Variants in MRC2 observed in about 807,000 individuals in gnomAD.
MRC2 encodes mannose receptor C-type 2.
MRC2 carries 84 observed loss-of-function variants against 206.2 expected under a neutral mutation model. The observed-to-expected ratio is 0.41, with a 90% CI of 0.34 to 0.49. The LOEUF is 0.49. MRC2 is among the 20% of genes least tolerant of loss of function. The pLI is 0.31. For synonymous variants in MRC2, 798 were observed against 800.0 expected (o/e 1.00, Z 0.04); for missense variants, 1,676 against 2,001.5 (o/e 0.84, Z 3.10).
intron 20 of MRC2, among the ~76,000 whole-genome samples, chr17:62,687,699 C>T (rs756424117): frequency 2.0e-5 from 3 of 151,914 alleles, no homozygotes; most frequent in East Asian, 1.9e-4. Context: ...GGGCTGGGCG[C>T]GGTGAAACCC....
rs375584608 is a variant in MRC2, at chr17:62,664,775, G to A, written c.346G>A (p.Ala116Thr). 2.5e-6 allele frequency: 4 copies of A among 1,614,034 alleles called. No individual in the cohort carries two copies. The highest frequency in any genetic ancestry group is 3.4e-6 in the Non-Finnish European group (4 of 1,180,040). Residue 116 changes from alanine (A) to threonine (T), a missense_variant, in exon 2 of 30, where the codon GCA (alanine) becomes ACA (threonine). Transcript: ENST00000303375. This position sits in a 1 kb window ranked among gnomAD's most constrained non-coding sequence, Gnocchi z 4.7. Reference sequence around the variant, plus strand: ...GGGCATGTATGAGTGTGACCGGGAAGCACTGAATCTTCGCTGGCATTGTCG... The same window carrying A: ...GGGCATGTATGAGTGTGACCGGGAAACACTGAATCTTCGCTGGCATTGTCG... Reference protein sequence around the residue: ...SLGMYECDREALNLRWHCRTL... With the variant: ...SLGMYECDRETLNLRWHCRTL...
In MRC2 at chr17:62,692,481, G is replaced by A; in HGVS notation, c.*30G>A. 6.5e-7 allele frequency: 1 copy of A among 1,539,026 alleles called. No individual in the cohort carries two copies. Among genetic ancestry groups the A allele is most frequent in the East Asian group, 2.5e-5 (1 of 40,770 alleles). Reference sequence around the variant, plus strand: ...AGGCGCGTGGGCAGGGCCAGGGCGGGAGGAGCTGGGGAGCTGGGGCCCTGG... The same window carrying A: ...AGGCGCGTGGGCAGGGCCAGGGCGGAAGGAGCTGGGGAGCTGGGGCCCTGG... On this transcript the variant is annotated 3_prime_UTR_variant, in exon 30 of 30. Coordinates refer to ENST00000303375, the MANE Select transcript of MRC2 (RefSeq NM_006039.5). The surrounding 1 kb of genome is among the most constrained non-coding windows in gnomAD (Gnocchi z 4.2).
chr17:62,665,762 G>C (rs1424297698), intron 2 of MRC2, among the ~76,000 whole-genome samples: 8 of 152,202 alleles, frequency 5.3e-5, no homozygotes, highest in Non-Finnish European at 1.5e-5. Context: ...CCCATGGGCT[G>C]GGTAGCTGAG....
chr17:62,672,299 T>G lies in MRC2; in HGVS notation c.1461+147T>G. ...AGTCCCCCTCCTCCCCACCAATGCCTTCCCTTCCATGTGAGAGACTGCCGG... is the reference window on the plus strand; with the variant it reads ...AGTCCCCCTCCTCCCCACCAATGCCGTCCCTTCCATGTGAGAGACTGCCGG... On this transcript the variant is annotated intron_variant, in intron 8 of 29. Coordinates refer to ENST00000303375, the MANE Select transcript of MRC2 (RefSeq NM_006039.5). This position sits in a 1 kb window ranked among gnomAD's most constrained non-coding sequence, Gnocchi z 4.5. 1.1e-6 allele frequency: 1 copy of G among 910,426 alleles called. No individual in the cohort carries two copies. Among genetic ancestry groups the G allele is most frequent in the Non-Finnish European group, 1.7e-6 (1 of 600,586 alleles). 56.4% of individuals were successfully genotyped at this position (910,426 alleles called of 1,614,324 possible).
intron 1 of MRC2, among the ~76,000 whole-genome samples, chr17:62,638,849 G>A (rs1202714298): frequency 6.6e-6 from 1 of 152,056 alleles, no homozygotes; most frequent in African/African-American, 2.4e-5. Context: ...AACCCTGGAG[G>A]CCGAGGTTGC....
intron 20 of MRC2, 45 bp from the exon 21 acceptor site, chr17:62,688,243 AT>A (rs2089056647): frequency 1.3e-6 from 2 of 1,564,412 alleles, no homozygotes; most frequent in Admixed American, 1.7e-5. Flanking sequence ...GGGTTTGTGG[AT>A]GGGGTGGTGG....
chr17:62,643,683 C>CA (rs1173107634), intron 1 of MRC2, among the ~76,000 whole-genome samples: 77 of 152,076 alleles, frequency 5.1e-4, no homozygotes, highest in Admixed American at 5.0e-3. Context: ...AAATCACTAG[C>CA]AAAACAATTT....
Position 62,680,183 on chromosome 17 carries a change from A to G in MRC2, c.2312A>G (p.Asn771Ser), listed in dbSNP as rs541732497. ...WSDGVGFSYH[N>S]FDRSRHDDDD... is the part of the protein sequence containing the mutation. ...CGCCTCCTCCAGTTCTCTTACCACA[A>G]TTTCGACCGGAGCCGGCACGACGAC... is the stretch of plus-strand genomic sequence containing the variant. Residue 771 changes from asparagine (N) to serine (S), a missense_variant, in exon 15 of 30, where the codon AAT becomes AGT. Physicochemically the swap from Asn to Ser is conservative, Grantham distance 46. Transcript: ENST00000303375. This position sits in a 1 kb window ranked among gnomAD's most constrained non-coding sequence, Gnocchi z 4.8. The G allele has an allele frequency of 3.7e-6, 6 of 1,613,958 alleles. No homozygotes were observed. Among genetic ancestry groups the G allele is most frequent in the East Asian group, 4.5e-5 (2 of 44,862 alleles).
Position 62,690,160 on chromosome 17 carries a change from CCCTCCTCCCCGAAGA to C in MRC2, c.3748_3762del (p.Pro1250_Arg1254del). On this transcript the variant is annotated inframe_deletion, in exon 26 of 30. Transcript: ENST00000303375. The stretch of plus-strand genomic sequence containing the variant: ...CTTAATCCTGTACCCCCACAGGGCC[CCCTCCTCCCCGAAGA>C]ATAAGCTACCATGGCAGCTGTCCCC... 6.2e-7 allele frequency: 1 copy of C among 1,603,282 alleles called. No homozygotes were observed. The highest frequency in any genetic ancestry group is 8.5e-7 in the Non-Finnish European group (1 of 1,172,806).
intron 1 of MRC2, among the ~76,000 whole-genome samples, chr17:62,634,644 G>A (rs2088289549): frequency 6.6e-6 from 1 of 151,928 alleles, no homozygotes; most frequent in Admixed American, 6.6e-5. Context: ...GATTTGGGTG[G>A]CTTCTATACT....
rs1223638538 is a variant in MRC2, at chr17:62,677,308, G to A, written c.1874G>A (p.Ser625Asn). ...RGGCVALATG[S>N]AMGLWEVKNC... ...GGCTGCGTGGCGCTGGCCACTGGCA[G>A]CGCCATGGGGCTGTGGGAGGTGAAG... The change falls in exon 12 of 30, where the codon AGC becomes AAC. Residue 625 changes from serine (S) to asparagine (N), a missense_variant. Physicochemically the swap from Ser to Asn is conservative, Grantham distance 46. Around this residue, in one of 3 missense-constraint regions of MRC2, gnomAD observed 1,354 missense variants for 1,636.6 expected, o/e 0.83. Transcript: ENST00000303375. 1 of 1,606,162 alleles carries A rather than the reference G, an allele frequency of 6.2e-7. No homozygotes were observed. Among genetic ancestry groups the A allele is most frequent in the Admixed American group, 1.7e-5 (1 of 58,854 alleles).
At position 62,664,428 on chromosome 17, in the gene MRC2, A is replaced by T; in HGVS notation, c.119-120A>T. 2 of 1,134,682 alleles carry T rather than the reference A, an allele frequency of 1.8e-6. No homozygotes were observed. Among genetic ancestry groups the T allele is most frequent in the Non-Finnish European group, 2.5e-6 (2 of 795,086 alleles). 70.3% of individuals were successfully genotyped at this position (1,134,682 alleles called of 1,614,324 possible). Reference sequence around the variant, plus strand: ...TAGTGAGTACCGAGTGATTTAACGTATGAGTGACGGCTCACCATCCTGCAC... The same window carrying T: ...TAGTGAGTACCGAGTGATTTAACGTTTGAGTGACGGCTCACCATCCTGCAC... On this transcript the variant is annotated intron_variant, in intron 1 of 29. Transcript: ENST00000303375. This position sits in a 1 kb window ranked among gnomAD's most constrained non-coding sequence, Gnocchi z 4.7.
chr17:62,643,922 T>C (rs1289605761), intron 1 of MRC2, among the ~76,000 whole-genome samples: 1 of 152,130 alleles, frequency 6.6e-6, no homozygotes, highest in Non-Finnish European at 1.5e-5. Flanking sequence ...GATCCAAAAA[T>C]GTTTGCGTGT....
intron 20 of MRC2, among the ~76,000 whole-genome samples, chr17:62,687,630 T>C (rs1286937771): frequency 6.6e-6 from 1 of 152,170 alleles, no homozygotes; most frequent in Non-Finnish European, 1.5e-5. Context: ...AAATGTAAAA[T>C]TACAGAGTTA....
Position 62,664,657 on chromosome 17 carries a change from C to T in MRC2, c.228C>T (p.Arg76=). 6.2e-7 allele frequency: 1 copy of T among 1,613,898 alleles called. No individual in the cohort carries two copies. The highest frequency in any genetic ancestry group is 1.3e-5 in the African/African-American group (1 of 75,076). ...PACNTSLPAQ[R]WKWVSRNRLF... is the part of the protein sequence containing the mutation. ...GCAATACCAGCCTCCCTGCCCAGCG[C>T]TGGAAGTGGGTCTCCCGAAACCGGC... The change falls in exon 2 of 30, where the codon CGC becomes CGT. Residue 76 remains arginine (R), a synonymous_variant. Coordinates refer to ENST00000303375, the MANE Select transcript of MRC2 (RefSeq NM_006039.5). The surrounding 1 kb of genome is among the most constrained non-coding windows in gnomAD (Gnocchi z 4.7).
In MRC2 at chr17:62,672,281, C is replaced by A; in HGVS notation, c.1461+129C>A. ...AACCTCTTACCTCTCAGCAGTCCCCCTCCTCCCCACCAATGCCTTCCCTTC... is the reference window on the plus strand; with the variant it reads ...AACCTCTTACCTCTCAGCAGTCCCCATCCTCCCCACCAATGCCTTCCCTTC... On this transcript the variant is annotated intron_variant, in intron 8 of 29. Transcript: ENST00000303375. This position sits in a 1 kb window ranked among gnomAD's most constrained non-coding sequence, Gnocchi z 4.5. 9.5e-7 allele frequency: 1 copy of A among 1,047,882 alleles called. No homozygotes were observed. Among genetic ancestry groups the A allele is most frequent in the Non-Finnish European group, 1.4e-6 (1 of 712,486 alleles). The allele number at this position is 1,047,882 out of a possible 1,614,324, so 64.9% of individuals were successfully genotyped here.
intron 6 of MRC2, among the ~76,000 whole-genome samples, chr17:62,669,620 CCCAGGTTCAAGCGATTCTCATCT>C (rs1282144453): frequency 1.3e-5 from 2 of 152,236 alleles, no homozygotes; most frequent in South Asian, 2.1e-4. Context: ...ACCTCCGCCT[CCCAGGTTCAAGCGATTCTCATCT>C]CCAGGTTCAA....
Position 62,680,060 on chromosome 17 carries a change from C to T in MRC2, c.2299-110C>T. On this transcript the variant is annotated intron_variant, in intron 14 of 29. Transcript: ENST00000303375. This position sits in a 1 kb window ranked among gnomAD's most constrained non-coding sequence, Gnocchi z 4.8. ...AGGTCCGAGAGGGGTCACCCGGCCCCCGGTGAGAATTCGCAGCTCAGGCCA... is the reference window on the plus strand; with the variant it reads ...AGGTCCGAGAGGGGTCACCCGGCCCTCGGTGAGAATTCGCAGCTCAGGCCA... The T allele has an allele frequency of 3.2e-6, 5 of 1,550,658 alleles. No homozygotes were observed. The South Asian group carries it at 3.6e-5, about 11-fold the overall frequency.
chr17:62,686,291 A>AAAAATAC (rs1176339583), intron 20 of MRC2, among the ~76,000 whole-genome samples: 2 of 152,116 alleles, frequency 1.3e-5, no homozygotes, highest in Admixed American at 6.5e-5. Context: ...TGTCTCTACT[A>AAAAATAC]AAAATACAAA....
Sources: gnomAD v4.1 joint callset for allele counts (sites outside exome capture counted in the v4.1 genomes callset) on GRCh38, gnomAD v4.1.1 for gene constraint, gnomAD v4.1.1 regional missense constraint, Gnocchi (gnomAD v3.1) non-coding constraint, MANE v1.5 for transcripts, NCBI Gene and HGNC (gene_info 2026-07-23, HGNC 2026-07-21) for gene names.